AMN1: variants seen among roughly 807,000 people sequenced by gnomAD.
AMN1 encodes protein AMN1 homolog.
Under a neutral mutation model 33.0 loss-of-function variants are expected in AMN1, and 20 were observed. The ratio of observed to expected loss-of-function variants is 0.61; its 90% CI spans 0.43 to 0.88. AMN1 has a LOEUF of 0.88. AMN1 is among the 40% of genes least tolerant of loss of function. AMN1 has a pLI of 0.00. For missense variants in AMN1, 246 were observed against 307.4 expected (o/e 0.80, Z 1.49); for synonymous variants, 114 against 111.9 (o/e 1.02, Z -0.12).
chr12:31,685,800 C>A (rs865828428), intron 6 of AMN1, among the ~76,000 whole-genome samples: 135 of 120,938 alleles, frequency 1.1e-3, no homozygotes, highest in Non-Finnish European at 1.3e-3. Context: ...GACTCATTAT[C>A]AAAAAAAAAA....
At chr12:31,723,808 A>G in intron 1 of AMN1, among the ~76,000 whole-genome samples, 1 of 152,178 alleles carries the variant, frequency 6.6e-6, no homozygotes, top group East Asian at 1.9e-4. Context: ...CCCTTCACAG[A>G]AAGGTTACCA....
chr12:31,719,416 T>G, intron 1 of AMN1: 1 of 589,630 alleles, frequency 1.7e-6, no homozygotes, highest in African/African-American at 2.0e-5. Flanking sequence ...AGGTTAGACA[T>G]TTTGTTAGGG....
At chr12:31,708,986 T>G (rs1939360038) in intron 2 of AMN1, 1 of 421,624 alleles carries the variant, frequency 2.4e-6, no homozygotes, top group Non-Finnish European at 4.7e-6. Flanking sequence ...GAGACCAGCC[T>G]GGGCAACATG....
chr12:31,677,121 A>G (rs929977902), intron 6 of AMN1, among the ~76,000 whole-genome samples: 1 of 150,998 alleles, frequency 6.6e-6, no homozygotes, highest in African/African-American at 2.4e-5. Context: ...ACATGGTGAA[A>G]CCCCGCCTCT....
chr12:31,691,195 C>T (rs775896060), intron 5 of AMN1, among the ~76,000 whole-genome samples: 8 of 150,234 alleles, frequency 5.3e-5, no homozygotes, highest in Admixed American at 5.3e-4. Flanking sequence ...ATCAATCTCA[C>T]AAACACTATG....
chr12:31,701,646 G>A (rs1006561516), intron 3 of AMN1, among the ~76,000 whole-genome samples: 1 of 152,158 alleles, frequency 6.6e-6, no homozygotes, highest in African/African-American at 2.4e-5. Flanking sequence ...ATACAAGGTA[G>A]TGACTTACCC....
In AMN1 at chr12:31,672,170, G is replaced by A. The variant is rs1334807509; in HGVS notation, c.*134C>T. ...TATACCAAGACTTAGCTAATTCTCT[G>A]AGAGTTATAACTTAAGACAATAAAA... is the stretch of plus-strand genomic sequence containing the variant. On this transcript the variant is annotated 3_prime_UTR_variant, in exon 7 of 7. Coordinates refer to ENST00000281471, the MANE Select transcript of AMN1 (RefSeq NM_001113402.2). The A allele has an allele frequency of 4.6e-6, 3 of 650,612 alleles. No individual in the cohort carries two copies. The highest frequency in any genetic ancestry group is 2.8e-5 in the Admixed American group (1 of 35,986). The allele number at this position is 650,612 out of a possible 1,614,324, so 40.3% of individuals were successfully genotyped here. A position where few individuals can be genotyped will look rare whatever the true frequency, so the allele number is the denominator to read the frequency against.
At position 31,701,924 on chromosome 12, in the gene AMN1, T is replaced by G; in HGVS notation, c.255A>C (p.Arg85Ser). The change falls in exon 3 of 7, where the codon AGA (arginine) becomes AGC (serine). Residue 85 changes from arginine (R) to serine (S), a missense_variant. Coordinates refer to ENST00000281471, the MANE Select transcript of AMN1 (RefSeq NM_001113402.2). ...DAALLHLSNC[R>S]KLKKLNLNAS... ...CATTTAAATTTAATTTCTTCAGTTT[T>G]CTACAGTTAGACAGGTGCAGGAGAG... is the stretch of plus-strand genomic sequence containing the variant. The G allele has an allele frequency of 6.2e-7, 1 of 1,609,460 alleles. No homozygotes were observed. Among genetic ancestry groups the G allele is most frequent in the Non-Finnish European group, 8.5e-7 (1 of 1,178,650 alleles).
chr12:31,709,214 T>C lies in AMN1; in HGVS notation c.171+79A>G, dbSNP rs752137212. The C allele has an allele frequency of 9.4e-6, 14 of 1,487,940 alleles. No individual in the cohort carries two copies. The African/African-American group carries it at 9.8e-5, about 10-fold the overall frequency. 92.2% of individuals were successfully genotyped at this position (1,487,940 alleles called of 1,614,324 possible). A position where few individuals can be genotyped will look rare whatever the true frequency, so the allele number is the denominator to read the frequency against. ...AAAAATGATTACCAGTCTTACCATA[T>C]ACCATTGTTCCAAAAATCTAAAACC... On this transcript the variant is annotated intron_variant, in intron 2 of 6. Coordinates refer to ENST00000281471, the MANE Select transcript of AMN1 (RefSeq NM_001113402.2).
At chr12:31,728,847 G>A in intron 1 of AMN1, 124 bp downstream of exon 1, 1 of 1,112,044 alleles carries the variant, frequency 9.0e-7, no homozygotes, top group South Asian at 1.6e-5. Flanking sequence ...AAACACACGC[G>A]GGGCCTCTTC....
At chr12:31,729,103 GT>G, upstream of AMN1, 2 of 1,371,856 alleles carry the variant, frequency 1.5e-6, no homozygotes, top group East Asian at 2.7e-5. Flanking sequence ...CGACGCGTAG[GT>G]TTTTGTGACG....
At chr12:31,690,642 A>G (rs114685264) in intron 5 of AMN1, among the ~76,000 whole-genome samples, 1,961 of 152,128 alleles carry the variant, frequency 0.013, 41 homozygotes, top group African/African-American at 0.044. Flanking sequence ...AGTTTGTTCT[A>G]GATTCTGGAT....
intron 6 of AMN1, among the ~76,000 whole-genome samples, chr12:31,684,503 C>T (rs1938165999): frequency 6.7e-6 from 1 of 148,828 alleles, no homozygotes; most frequent in Admixed American, 6.7e-5. Flanking sequence ...TGGAGTCTCA[C>T]TCTATTGCCC....
At chr12:31,725,327 G>C (rs945347374) in intron 1 of AMN1, among the ~76,000 whole-genome samples, 1 of 152,160 alleles carries the variant, frequency 6.6e-6, no homozygotes, top group Non-Finnish European at 1.5e-5. Context: ...GTTGGCACAG[G>C]CAGTCTCATT....
intron 6 of AMN1, among the ~76,000 whole-genome samples, chr12:31,678,430 C>T (rs10843995): frequency 0.96 from 145,432 of 151,628 alleles, 70,052 homozygotes; most frequent in East Asian, 1. Flanking sequence ...AGAGTCTCAC[C>T]CTGTCGCCTA....
At chr12:31,675,076 C>T (rs1951359616) in intron 6 of AMN1, among the ~76,000 whole-genome samples, 1 of 148,128 alleles carries the variant, frequency 6.8e-6, no homozygotes, top group African/African-American at 2.6e-5. Flanking sequence ...ATTCAACCAA[C>T]TAGGAATAGA....
chr12:31,722,924 A>C (rs1939928672), intron 1 of AMN1, among the ~76,000 whole-genome samples: 1 of 152,192 alleles, frequency 6.6e-6, no homozygotes, highest in Non-Finnish European at 1.5e-5. Context: ...TGGGAGGCTG[A>C]GGCAAGCAGA....
intron 1 of AMN1, among the ~76,000 whole-genome samples, chr12:31,721,389 C>A (rs1213115571): frequency 6.6e-6 from 1 of 152,130 alleles, no homozygotes; most frequent in Non-Finnish European, 1.5e-5. Context: ...ATCCTCAACA[C>A]CCTCAGCATT....
intron 3 of AMN1, among the ~76,000 whole-genome samples, chr12:31,700,693 T>G (rs1177679704): frequency 6.6e-6 from 1 of 152,114 alleles, no homozygotes; most frequent in Non-Finnish European, 1.5e-5. Context: ...TAATTTTAAT[T>G]TTATTTATTT....
Sources: gnomAD v4.1 joint callset for allele counts (sites outside exome capture counted in the v4.1 genomes callset) on GRCh38, gnomAD v4.1.1 for gene constraint, MANE v1.5 for transcripts, NCBI Gene and HGNC (gene_info 2026-07-23, HGNC 2026-07-21) for gene names.